The following EYS variants were observed in gnomAD, a reference collection of about 807,000 sequenced individuals.
EYS encodes the protein EGF-like photoreceptor maintenance factor.
Under a neutral mutation model 282.1 loss-of-function variants are expected in EYS, and 250 were observed. The ratio of observed to expected loss-of-function variants is 0.89; its 90% CI spans 0.80 to 0.98. EYS has a LOEUF of 0.98. Among genes scored for constraint, EYS ranks in the 50% least tolerant of loss-of-function variants. The pLI is 0.00. For synonymous variants in EYS, 1,355 were observed against 1,282.9 expected (o/e 1.06, Z -1.20); for missense variants, 4,016 against 3,709.0 (o/e 1.08, Z -2.15).
intron 26 of EYS, among the ~76,000 whole-genome samples, chr6:64,514,881 A>G (rs1447568179): frequency 6.6e-6 from 1 of 151,972 alleles, no homozygotes; most frequent in East Asian, 1.9e-4. Flanking sequence ...TAAGAAAAGC[A>G]TAAGGGTGGA....
chr6:63,944,888 C>T (rs1299070787), intron 35 of EYS, among the ~76,000 whole-genome samples: 2 of 151,900 alleles, frequency 1.3e-5, no homozygotes, highest in South Asian at 2.1e-4. Context: ...GAGCCAAGAT[C>T]GTGTCACCGC....
intron 19 of EYS, among the ~76,000 whole-genome samples, chr6:64,861,435 G>A (rs1766234093): frequency 6.6e-6 from 1 of 152,176 alleles, no homozygotes; most frequent in African/African-American, 2.4e-5. Flanking sequence ...CCAGTCCCGA[G>A]AGTGCAGAGA....
chr6:64,224,486 A>G (rs1021372808), intron 31 of EYS, among the ~76,000 whole-genome samples: 2 of 152,138 alleles, frequency 1.3e-5, no homozygotes, highest in Non-Finnish European at 2.9e-5. Context: ...TTTATTTCTC[A>G]GTCGATTCCA....
At chr6:64,892,009 A>T (rs1461599650) in intron 18 of EYS, among the ~76,000 whole-genome samples, 2 of 151,998 alleles carry the variant, frequency 1.3e-5, no homozygotes, top group Non-Finnish European at 2.9e-5. Flanking sequence ...GGTGTTCAAG[A>T]TACTTTTTCA....
chr6:65,530,785 T>C (rs919396262), intron 2 of EYS, among the ~76,000 whole-genome samples: 1 of 152,186 alleles, frequency 6.6e-6, no homozygotes, highest in African/African-American at 2.4e-5. Flanking sequence ...ATCATGTATG[T>C]AGAGTGTTTA....
intron 33 of EYS, among the ~76,000 whole-genome samples, chr6:64,036,048 T>G (rs1280184231): frequency 1.3e-5 from 2 of 152,236 alleles, no homozygotes; most frequent in Non-Finnish European, 2.9e-5. Flanking sequence ...CACTTGTTCT[T>G]TCTGTAATAA....
chr6:64,969,163 G>C (rs1770204780), intron 14 of EYS, among the ~76,000 whole-genome samples: 1 of 152,124 alleles, frequency 6.6e-6, no homozygotes, highest in African/African-American at 2.4e-5. Context: ...GACCGGCATG[G>C]CCTAGGACAT....
At chr6:65,353,022 T>C (rs1764345005) in intron 9 of EYS, among the ~76,000 whole-genome samples, 1 of 151,988 alleles carries the variant, frequency 6.6e-6, no homozygotes, top group African/African-American at 2.4e-5. Context: ...CATGGAAACC[T>C]TTTCTGGCAA....
intron 2 of EYS, among the ~76,000 whole-genome samples, chr6:65,505,323 T>C (rs73447216): frequency 6.6e-6 from 1 of 151,832 alleles, no homozygotes; most frequent in Non-Finnish European, 1.5e-5. Flanking sequence ...CTGACTAGAG[T>C]CTTTACCAAT....
intron 33 of EYS, among the ~76,000 whole-genome samples, chr6:64,000,874 G>A (rs145531757): frequency 4.6e-5 from 7 of 152,212 alleles, no homozygotes; most frequent in East Asian, 1.9e-4. Context: ...CTGGCCAGGC[G>A]CGGTGGCTCA....
chr6:65,520,297 T>C (rs989716205), intron 2 of EYS, among the ~76,000 whole-genome samples: 8 of 152,138 alleles, frequency 5.3e-5, no homozygotes, highest in African/African-American at 1.9e-4. Flanking sequence ...AGAAACTCAA[T>C]TTGATTTCCA....
chr6:64,015,650 A>C (rs1249135632), intron 33 of EYS, among the ~76,000 whole-genome samples: 1 of 152,198 alleles, frequency 6.6e-6, no homozygotes, highest in African/African-American at 2.4e-5. Context: ...AATGTAGGTG[A>C]TAGGTGATGG....
chr6:64,687,410 T>C (rs1011589272), intron 22 of EYS, among the ~76,000 whole-genome samples: 2 of 152,178 alleles, frequency 1.3e-5, no homozygotes, highest in Non-Finnish European at 2.9e-5. Flanking sequence ...ACCTAATTCA[T>C]TGAGAGTTTT....
At chr6:64,676,796 G>C (rs1484136477) in intron 22 of EYS, among the ~76,000 whole-genome samples, 1 of 152,114 alleles carries the variant, frequency 6.6e-6, no homozygotes, top group Non-Finnish European at 1.5e-5. Flanking sequence ...CTCTCATGAT[G>C]ACAGGAGCTC....
chr6:64,814,528 A>G (rs1764690363), intron 21 of EYS, among the ~76,000 whole-genome samples: 2 of 152,026 alleles, frequency 1.3e-5, no homozygotes, highest in African/African-American at 4.8e-5. Context: ...GTTTCTCTGT[A>G]TATTTAGCTT....
chr6:65,032,707 T>C (rs1393325783), intron 13 of EYS, among the ~76,000 whole-genome samples: 1 of 151,998 alleles, frequency 6.6e-6, no homozygotes, highest in Admixed American at 6.6e-5. Flanking sequence ...TACCCAGTCT[T>C]GGGTTCTTTT....
chr6:63,819,279 A>G (rs1410215755), intron 36 of EYS, among the ~76,000 whole-genome samples: 2 of 152,192 alleles, frequency 1.3e-5, no homozygotes, highest in Admixed American at 1.3e-4. Context: ...GTGTGGTTTC[A>G]TGGAAGCCTG....
chr6:64,580,921 G>A (rs1037259437), intron 26 of EYS, among the ~76,000 whole-genome samples: 1 of 151,810 alleles, frequency 6.6e-6, no homozygotes, highest in African/African-American at 2.4e-5. Flanking sequence ...CCAGATGGAT[G>A]TAAATTTCAT....
chr6:63,772,394 T>G (rs1427406451), intron 40 of EYS, among the ~76,000 whole-genome samples: 2 of 152,176 alleles, frequency 1.3e-5, no homozygotes, highest in East Asian at 1.9e-4. Context: ...ATGCTGAAAA[T>G]TCTAGTTCCT....
Sources: allele counts gnomAD v4.1 joint callset (sites outside exome capture counted in the v4.1 genomes callset), GRCh38; gene constraint gnomAD v4.1.1; transcripts MANE v1.5; gene names NCBI Gene and HGNC (gene_info 2026-07-23, HGNC 2026-07-21).